Variants in AKR1C8 observed in about 807,000 individuals in gnomAD.
AKR1C8 encodes aldo-keto reductase family 1 member C8, also known as aldo-keto reductase family 1 member C-like protein 1.
the AKR1C8 span, chr10:5,154,038 G>T: frequency 6.4e-6 from 2 of 311,674 alleles, no homozygotes; most frequent in Non-Finnish European, 1.4e-5. Flanking sequence ...CAAGCAACCT[G>T]CAACTACAGA....
At chr10:5,170,090 C>G in the AKR1C8 span, among the ~76,000 whole-genome samples, 1 of 151,926 alleles carries the variant, frequency 6.6e-6, no homozygotes, top group Non-Finnish European at 1.5e-5. Flanking sequence ...TTCTGGACAC[C>G]CTTAGTTATT....
the AKR1C8 span, among the ~76,000 whole-genome samples, chr10:5,182,494 A>T: frequency 6.6e-6 from 1 of 152,194 alleles, no homozygotes; most frequent in East Asian, 1.9e-4. Context: ...AATTGACCCA[A>T]CTCATAAATA....
At chr10:5,176,962 C>A in the AKR1C8 span, among the ~76,000 whole-genome samples, 44,587 of 151,814 alleles carry the variant, frequency 0.29, 7,200 homozygotes, top group Non-Finnish European at 0.36. Context: ...AATTGAATAC[C>A]CTTTATTTCC....
the AKR1C8 span, among the ~76,000 whole-genome samples, chr10:5,173,864 GTT>G: frequency 1.3e-5 from 2 of 151,920 alleles, no homozygotes; most frequent in Non-Finnish European, 2.9e-5. Flanking sequence ...TCTGGAAAAG[GTT>G]TTATTCTCAG....
chr10:5,161,930 G>C, the AKR1C8 span: 1 of 534,412 alleles, frequency 1.9e-6, no homozygotes, highest in African/African-American at 1.9e-5. Context: ...GACCTTTCTA[G>C]GGCCGGGTGA....
the AKR1C8 span, among the ~76,000 whole-genome samples, chr10:5,118,680 A>T: frequency 2.0e-5 from 3 of 152,236 alleles, no homozygotes; most frequent in Admixed American, 6.5e-5. Context: ...TGAAGCCTTT[A>T]TTTGGGGCAT....
the AKR1C8 span, chr10:5,132,700 C>G: frequency 5.1e-6 from 8 of 1,582,700 alleles, no homozygotes; most frequent in South Asian, 8.9e-5. Context: ...TATAAATGAG[C>G]AGAATCAATA....
chr10:5,164,255 T>C, the AKR1C8 span, among the ~76,000 whole-genome samples: 2 of 152,150 alleles, frequency 1.3e-5, no homozygotes, highest in African/African-American at 4.8e-5. Flanking sequence ...ACTCAACACA[T>C]TCTTTCCTTT....
the AKR1C8 span, among the ~76,000 whole-genome samples, chr10:5,146,518 T>A: frequency 1.3e-5 from 2 of 152,130 alleles, no homozygotes; most frequent in Non-Finnish European, 2.9e-5. Flanking sequence ...TGTCTCGTAA[T>A]ATAGAAAGTG....
At chr10:5,173,088 T>A in the AKR1C8 span, among the ~76,000 whole-genome samples, 1 of 152,110 alleles carries the variant, frequency 6.6e-6, no homozygotes, top group Admixed American at 6.6e-5. Flanking sequence ...AAAATGAGAT[T>A]TGTGTCAACT....
the AKR1C8 span, among the ~76,000 whole-genome samples, chr10:5,150,492 A>G: frequency 1.3e-5 from 2 of 152,138 alleles, no homozygotes; most frequent in African/African-American, 4.8e-5. Flanking sequence ...ACACTCAAAG[A>G]AAGTTAAACA....
chr10:5,184,898 C>T, the AKR1C8 span: 13 of 364,208 alleles, frequency 3.6e-5, no homozygotes, highest in Non-Finnish European at 6.8e-5. Context: ...AAATGAAATC[C>T]CAGATGAGCC....
chr10:5,181,133 C>T, the AKR1C8 span, among the ~76,000 whole-genome samples: 1 of 152,188 alleles, frequency 6.6e-6, no homozygotes, highest in Non-Finnish European at 1.5e-5. Context: ...TTCTTGGCTG[C>T]CACCCCAAGG....
chr10:5,165,759 G>A, the AKR1C8 span, among the ~76,000 whole-genome samples: 6 of 152,024 alleles, frequency 3.9e-5, no homozygotes, highest in Non-Finnish European at 7.4e-5. Context: ...ACAGAGATGG[G>A]GTTAAAACAG....
chr10:5,179,650 C>T, the AKR1C8 span, among the ~76,000 whole-genome samples: 16 of 73,650 alleles, frequency 2.2e-4, no homozygotes, highest in African/African-American at 9.3e-4. Context: ...TCACATAGTC[C>T]CATATTTCTT....
chr10:5,149,067 G>A, the AKR1C8 span, among the ~76,000 whole-genome samples: 1 of 152,004 alleles, frequency 6.6e-6, no homozygotes, highest in Non-Finnish European at 1.5e-5. Flanking sequence ...ATATATAGCT[G>A]TTATATATAT....
At chr10:5,171,463 C>T in the AKR1C8 span, among the ~76,000 whole-genome samples, 182 of 152,046 alleles carry the variant, frequency 1.2e-3, 1 homozygote, top group African/African-American at 4.3e-3. Context: ...ATAAATATAG[C>T]CCAAAGAAAG....
chr10:5,145,183 G>A, the AKR1C8 span, among the ~76,000 whole-genome samples: 2 of 152,016 alleles, frequency 1.3e-5, no homozygotes, highest in African/African-American at 4.8e-5. Context: ...TTATTGATTT[G>A]CATATATCAA....
chr10:5,130,631 C>A, the AKR1C8 span, among the ~76,000 whole-genome samples: 1 of 151,826 alleles, frequency 6.6e-6, no homozygotes, highest in Non-Finnish European at 1.5e-5. Flanking sequence ...AAACCAGCAA[C>A]AACCATGCTG....
Sources: allele counts gnomAD v4.1 joint callset (sites outside exome capture counted in the v4.1 genomes callset), GRCh38; gene constraint gnomAD v4.1.1; transcripts MANE v1.5; gene names NCBI Gene and HGNC (gene_info 2026-07-23, HGNC 2026-07-21).